CFAP251: variants seen among roughly 807,000 people sequenced by gnomAD.
The protein encoded by CFAP251 is cilia and flagella associated protein 251, also known as cilia- and flagella-associated protein 251.
A neutral mutation model predicts 126.7 loss-of-function variants in CFAP251; 93 were observed. The observed-to-expected ratio is 0.73, with a 90% CI of 0.62 to 0.87. The LOEUF (loss-of-function observed/expected upper bound fraction) is 0.87. CFAP251 is among the 40% of genes least tolerant of loss of function. The pLI is 0.00. For missense variants in CFAP251, 1,287 were observed against 1,389.2 expected (o/e 0.93, Z 1.17); for synonymous variants, 503 against 506.9 (o/e 0.99, Z 0.10).
chr12:121,941,915 G>C (rs1357632267), intron 5 of CFAP251, among the ~76,000 whole-genome samples: 1 of 152,126 alleles, frequency 6.6e-6, no homozygotes, highest in Non-Finnish European at 1.5e-5. Flanking sequence ...GTGTAGGAGA[G>C]TGCCCGATTC....
intron 19 of CFAP251, among the ~76,000 whole-genome samples, chr12:121,984,436 A>G (rs1374812479): frequency 6.6e-6 from 1 of 151,846 alleles, no homozygotes; most frequent in Non-Finnish European, 1.5e-5. Context: ...CCTCCCGAGT[A>G]TCTGAGACTA....
chr12:121,981,039 G>T (rs1413809406), intron 19 of CFAP251, among the ~76,000 whole-genome samples: 1 of 152,212 alleles, frequency 6.6e-6, no homozygotes, highest in Non-Finnish European at 1.5e-5. Flanking sequence ...CTTACTCAGT[G>T]GGGGGCTCTT....
intron 17 of CFAP251, 76 bp from the exon 18 acceptor site, chr12:121,975,168 T>G: frequency 8.5e-7 from 1 of 1,183,008 alleles, no homozygotes; most frequent in Non-Finnish European, 1.3e-6. Context: ...AGGGCCGCAG[T>G]GCTGTGCGGA....
chr12:121,994,958 A>T (rs1368397017), intron 19 of CFAP251, among the ~76,000 whole-genome samples: 1 of 136,716 alleles, frequency 7.3e-6, no homozygotes, highest in African/African-American at 2.5e-5. Flanking sequence ...TATCAATAAA[A>T]AAATAAATTA....
chr12:121,938,754 G>A (rs1035339469), intron 5 of CFAP251, among the ~76,000 whole-genome samples: 13 of 151,054 alleles, frequency 8.6e-5, no homozygotes, highest in Admixed American at 5.9e-4. Flanking sequence ...AGGCCGAGGC[G>A]GGTGGATCAC....
chr12:121,928,683 TA>T (rs1565902751), intron 3 of CFAP251, among the ~76,000 whole-genome samples: 7 of 39,828 alleles, frequency 1.8e-4, no homozygotes, highest in Admixed American at 1.5e-3. Flanking sequence ...TATATATATA[TA>T]TATACGTATA....
chr12:121,923,732 A>G lies in CFAP251; in HGVS notation c.489A>G (p.Gln163=). 1 of 1,614,196 alleles carries G rather than the reference A, an allele frequency of 6.2e-7. No individual in the cohort carries two copies. The highest frequency in any genetic ancestry group is 8.5e-7 in the Non-Finnish European group (1 of 1,180,038). ...STQIEFLDLD[Q]ISPEEQQISS... ...AAATTGAATTTCTTGATTTGGATCA[A>G]ATCAGTCCTGAGGAACAACAGATTA... is the stretch of plus-strand genomic sequence containing the variant. Residue 163 remains glutamine, a synonymous_variant, in exon 3 of 22, where the codon CAA becomes CAG. Coordinates refer to ENST00000288912, the MANE Select transcript of CFAP251 (RefSeq NM_144668.6).
intron 17 of CFAP251, chr12:121,971,846 ATGGT>A (rs1017575156): frequency 2.1e-6 from 1 of 475,474 alleles, no homozygotes; most frequent in African/African-American, 2.0e-5. Flanking sequence ...CTGGTGGGAG[ATGGT>A]TGGATGGTGG....
At chr12:121,955,074 G>A (rs985626094) in intron 10 of CFAP251, among the ~76,000 whole-genome samples, 4 of 152,094 alleles carry the variant, frequency 2.6e-5, no homozygotes, top group East Asian at 1.9e-4. Context: ...AGGCCGAGGC[G>A]GGTGGCCTCA....
At chr12:121,934,378 C>A in intron 5 of CFAP251, 22 bp downstream of exon 5, 1 of 1,566,684 alleles carries the variant, frequency 6.4e-7, no homozygotes, top group African/African-American at 1.4e-5. Flanking sequence ...GTAGCCACTT[C>A]TTTTTTCCCT....
In CFAP251 at chr12:121,974,292, T is replaced by C. The variant is rs1011957308; in HGVS notation, c.2772-952T>C. Among the ~76,000 whole-genome samples the C allele has an allele frequency of 1.1e-4, 16 of 152,314 alleles. 1 individual carries two copies. The highest frequency in any genetic ancestry group is 1.0e-3 in the Admixed American group (16 of 15,298). ...TGTGAAACCGTAAGTCCAATAAACC[T>C]CTTTCTTTTGTAAATTGCCCAGTCT... On this transcript the variant is annotated intron_variant, in intron 17 of 21. Transcript: ENST00000288912. This position sits in a 1 kb window ranked among gnomAD's most constrained non-coding sequence, Gnocchi z 4.6.
chr12:121,978,397 A>G (rs948047090), intron 19 of CFAP251, among the ~76,000 whole-genome samples: 5 of 77,766 alleles, frequency 6.4e-5, no homozygotes, highest in African/African-American at 1.5e-4. Context: ...CTGTCTCAAA[A>G]AAAAAAAAAA....
intron 8 of CFAP251, 112 bp from the exon 9 acceptor site, chr12:121,951,368 C>T: frequency 3.2e-6 from 2 of 617,404 alleles, no homozygotes; most frequent in Non-Finnish European, 5.5e-6. Flanking sequence ...CCTGTAGAAA[C>T]TGCAAATTTC....
chr12:121,969,387 A>G (rs1376242967), intron 17 of CFAP251: 1 of 985,276 alleles, frequency 1.0e-6, no homozygotes, highest in African/African-American at 1.7e-5. Flanking sequence ...AAAAGGGATC[A>G]TGGCCTCAGA....
intron 3 of CFAP251, among the ~76,000 whole-genome samples, chr12:121,931,375 C>T (rs1036327038): frequency 2.7e-5 from 4 of 150,728 alleles, no homozygotes; most frequent in East Asian, 3.9e-4. Context: ...TGCGATGGCG[C>T]GATCTCGGCT....
intron 3 of CFAP251, among the ~76,000 whole-genome samples, chr12:121,927,414 C>T (rs1321005568): frequency 6.6e-6 from 1 of 152,084 alleles, no homozygotes; most frequent in Non-Finnish European, 1.5e-5. Flanking sequence ...TCTCCTGCCT[C>T]AGCCTCTCAT....
rs537998359 is a variant in CFAP251 at position 121,974,602 on chromosome 12, C to T, written c.2772-642C>T. 5.7e-4 allele frequency among the ~76,000 whole-genome samples: 86 copies of T among 152,162 alleles called. No homozygotes were observed. Among genetic ancestry groups the T allele is most frequent in the Middle Eastern group, 3.4e-3 (1 of 294 alleles). ...TGTCGCAGCAAAAAGGCTAATCACC[C>T]GATTAGCAGTAATCCAGTTAGTGGA... is the stretch of plus-strand genomic sequence containing the variant. On this transcript the variant is annotated intron_variant, in intron 17 of 21. Coordinates refer to ENST00000288912, the MANE Select transcript of CFAP251 (RefSeq NM_144668.6). This position sits in a 1 kb window ranked among gnomAD's most constrained non-coding sequence, Gnocchi z 4.6.
chr12:121,957,126 C>G lies in CFAP251; in HGVS notation c.1588C>G (p.Leu530Val). 1 of 1,613,466 alleles carries G rather than the reference C, an allele frequency of 6.2e-7. No individual in the cohort carries two copies. The highest frequency in any genetic ancestry group is 1.1e-5 in the South Asian group (1 of 90,932). Residue 530 changes from leucine to valine, a missense_variant, in exon 11 of 22, where the codon CTG becomes GTG. Physicochemically the swap from Leu to Val is conservative, Grantham distance 32. Coordinates refer to ENST00000288912, the MANE Select transcript of CFAP251 (RefSeq NM_144668.6). ...KGNIKFYDHTLSIVNWYSHLK... is the reference protein window; with the variant it reads ...KGNIKFYDHTVSIVNWYSHLK... ...GAACATTAAGTTCTATGATCACACC[C>G]TGTCTATTGTTAACTGGTACAGTCA...
intron 19 of CFAP251, among the ~76,000 whole-genome samples, chr12:121,988,511 C>G (rs1882803734): frequency 6.6e-6 from 1 of 152,198 alleles, no homozygotes; most frequent in African/African-American, 2.4e-5. Flanking sequence ...TTCACTCACT[C>G]AGCATCATGT....
Sources: gnomAD v4.1 joint callset for allele counts (sites outside exome capture counted in the v4.1 genomes callset) on GRCh38, gnomAD v4.1.1 for gene constraint, Gnocchi (gnomAD v3.1) non-coding constraint, MANE v1.5 for transcripts, NCBI Gene and HGNC (gene_info 2026-07-23, HGNC 2026-07-21) for gene names.